The following MAP3K15 variants were observed in gnomAD, a reference collection of about 807,000 sequenced individuals.
MAP3K15 encodes the protein mitogen-activated protein kinase kinase kinase 15.
MAP3K15 carries 124 observed loss-of-function variants against 99.5 expected under a neutral mutation model. That is an observed-to-expected ratio of 1.25 (90% CI 1.08 to 1.45). MAP3K15 has a LOEUF of 1.45. Ranked by LOEUF, MAP3K15 falls within the 40% of genes most tolerant of loss-of-function variation. The pLI is 0.00. For synonymous variants in MAP3K15, 494 were observed against 439.6 expected (o/e 1.12, Z -1.55); for missense variants, 1,242 against 1,079.7 (o/e 1.15, Z -2.11).
At chrX:19,389,190 A>G (rs2063510833) in intron 18 of MAP3K15, among the ~76,000 whole-genome samples, 1 of 109,852 alleles carries the variant, frequency 9.1e-6, no homozygotes, top group Non-Finnish European at 1.9e-5. Context: ...AGGTCCAGAC[A>G]CTGGATCGTG....
intron 6 of MAP3K15, among the ~76,000 whole-genome samples, chrX:19,454,568 G>T (rs1014471654): frequency 9.0e-6 from 1 of 111,441 alleles, no homozygotes; most frequent in African/African-American, 3.3e-5. Flanking sequence ...GGGAGCCCTT[G>T]ACATCTGAGG....
Position 19,360,715 on chromosome X carries a change from G to A in MAP3K15, c.*34C>T, listed in dbSNP as rs945503431. The A allele has an allele frequency of 2.8e-6, 3 of 1,081,269 alleles. No homozygotes were observed. Among genetic ancestry groups the A allele is most frequent in the South Asian group, 3.8e-5 (2 of 53,210 alleles). The allele number at this position is 1,081,269 out of a possible 1,213,427, so 89.1% of individuals were successfully genotyped here. On this transcript the variant is annotated 3_prime_UTR_variant, in exon 29 of 29. Transcript: ENST00000338883. Reference sequence around the variant, plus strand: ...AAGCTTTAACAAAACATGTAGCGTGGTGGGACACTCTGCCACAGCTTAGCT... The same window carrying A: ...AAGCTTTAACAAAACATGTAGCGTGATGGGACACTCTGCCACAGCTTAGCT...
intron 9 of MAP3K15, among the ~76,000 whole-genome samples, chrX:19,416,767 T>C (rs1197202034): frequency 8.9e-6 from 1 of 111,850 alleles, no homozygotes; most frequent in East Asian, 2.8e-4. Context: ...CAAAATATTG[T>C]TTATGTTATT....
chrX:19,399,915 G>T (rs1206120879), intron 14 of MAP3K15, among the ~76,000 whole-genome samples: 1 of 110,815 alleles, frequency 9.0e-6, no homozygotes, highest in Admixed American at 9.7e-5. Context: ...ACAAACTCTG[G>T]TCCTGACCTA....
chrX:19,466,229 C>T (rs1391863220), intron 3 of MAP3K15, among the ~76,000 whole-genome samples: 2 of 111,847 alleles, frequency 1.8e-5, no homozygotes, highest in Non-Finnish European at 3.8e-5. Flanking sequence ...TGTTCCTAGA[C>T]TAAATTAAAT....
chrX:19,362,094 T>C (rs1353807781), intron 26 of MAP3K15, among the ~76,000 whole-genome samples: 1 of 111,079 alleles, frequency 9.0e-6, no homozygotes, highest in Non-Finnish European at 1.9e-5. Flanking sequence ...GCAGCACAGA[T>C]ACAGAAATGA....
At chrX:19,402,309 A>G (rs1469767165) in intron 13 of MAP3K15, among the ~76,000 whole-genome samples, 2 of 110,643 alleles carry the variant, frequency 1.8e-5, no homozygotes, top group Non-Finnish European at 3.8e-5. Flanking sequence ...AAAAAAAATA[A>G]AAGATGATAT....
intron 6 of MAP3K15, among the ~76,000 whole-genome samples, chrX:19,437,558 C>T (rs998727936): frequency 8.9e-6 from 1 of 111,851 alleles, no homozygotes; most frequent in African/African-American, 3.3e-5. Flanking sequence ...GATCTTTGCT[C>T]CATGTCACTT....
chrX:19,402,393 C>G (rs1042058610), intron 13 of MAP3K15, among the ~76,000 whole-genome samples: 1 of 111,253 alleles, frequency 9.0e-6, no homozygotes, highest in African/African-American at 3.3e-5. Context: ...GACATGACCA[C>G]TTTGGAAAAC....
intron 21 of MAP3K15, 117 bp downstream of exon 21, chrX:19,373,419 C>T (rs2063392460): frequency 1.1e-6 from 1 of 938,541 alleles, no homozygotes; most frequent in Admixed American, 3.0e-5. Context: ...TACTGCCCTG[C>T]AGAAGGGAAG....
intron 21 of MAP3K15, 84 bp downstream of exon 21, chrX:19,373,452 G>T: frequency 9.2e-7 from 1 of 1,090,248 alleles, no homozygotes; most frequent in East Asian, 3.3e-5. Flanking sequence ...GTGGCCATCT[G>T]GTTGGGACCA....
chrX:19,435,445 C>T (rs1164380001), intron 6 of MAP3K15, among the ~76,000 whole-genome samples: 2 of 111,021 alleles, frequency 1.8e-5, no homozygotes, highest in African/African-American at 6.6e-5. Flanking sequence ...AAGCTAATGC[C>T]TAATTAGTGA....
intron 3 of MAP3K15, among the ~76,000 whole-genome samples, chrX:19,466,473 G>A (rs1169340580): frequency 2.7e-5 from 3 of 111,206 alleles, no homozygotes; most frequent in South Asian, 7.6e-4. Context: ...TTCCCCCTTC[G>A]CTAGGCACTT....
In MAP3K15 at chrX:19,360,132, TTTTGTAATCATTTCAAA is replaced by T. The variant is rs1430710716; in HGVS notation, c.*600_*616del. On this transcript the variant is annotated 3_prime_UTR_variant, in exon 29 of 29. Transcript: ENST00000338883. ...AATAAGACTTTTGTAATCATTCCAA[TTTTGTAATCATTTCAAA>T]GGCCACATAACTTAGTTTTCTCTAC... The T allele has an allele frequency of 5.2e-5, 8 of 154,340 alleles. No individual in the cohort carries two copies. Among genetic ancestry groups the T allele is most frequent in the Admixed American group, 7.6e-5 (1 of 13,089 alleles). 12.7% of individuals were successfully genotyped at this position (154,340 alleles called of 1,213,427 possible).
intron 18 of MAP3K15, among the ~76,000 whole-genome samples, chrX:19,389,646 A>G (rs981090901): frequency 4.4e-5 from 5 of 112,418 alleles, no homozygotes; most frequent in Non-Finnish European, 9.4e-5. Flanking sequence ...CCCCAAGCCA[A>G]TTACTTGGGA....
rs1420014663 is a variant in MAP3K15 at position 19,419,041 on chromosome X, C to G, written c.1440-3784G>C. 7.2e-5 allele frequency among the ~76,000 whole-genome samples: 8 copies of G among 111,789 alleles called. No individual in the cohort carries two copies. In the Admixed American group the frequency reaches 7.6e-4, roughly 11 times the overall value. On this transcript the variant is annotated intron_variant, in intron 9 of 28. Transcript: ENST00000338883. ...CCTAAAAGAGCTCCTGAAGGAAGCA[C>G]TAAACATGGAAAGGAACAACCAGTA...
chrX:19,428,594 C>A (rs1304779187), intron 7 of MAP3K15, among the ~76,000 whole-genome samples: 31 of 112,156 alleles, frequency 2.8e-4, no homozygotes, highest in Non-Finnish European at 5.3e-4. Context: ...CTTAAAATCA[C>A]ACAAATTCAA....
intron 9 of MAP3K15, among the ~76,000 whole-genome samples, chrX:19,420,957 A>G (rs1241907685): frequency 1.8e-5 from 2 of 111,650 alleles, no homozygotes; most frequent in Non-Finnish European, 3.8e-5. Context: ...ATAGATGCAG[A>G]AAAGGCCTTT....
At chrX:19,484,113 G>A (rs145648718) in intron 3 of MAP3K15, among the ~76,000 whole-genome samples, 1,313 of 111,591 alleles carry the variant, frequency 0.012, 7 homozygotes, top group Non-Finnish European at 0.02. Flanking sequence ...TTAGAGCAGG[G>A]GTCCCCAACC....
Sources: allele counts gnomAD v4.1 joint callset (sites outside exome capture counted in the v4.1 genomes callset), GRCh38; gene constraint gnomAD v4.1.1; transcripts MANE v1.5; gene names NCBI Gene and HGNC (gene_info 2026-07-23, HGNC 2026-07-21).